Variants in DCUN1D1 observed in about 807,000 individuals in gnomAD.
DCUN1D1 encodes DCN1-like protein 1.
In DCUN1D1, 3 loss-of-function variants were observed where a neutral mutation model predicts 39.0. The observed-to-expected ratio is 0.08, with a 90% CI of 0.04 to 0.20. DCUN1D1 has a LOEUF of 0.20. Among genes scored for constraint, DCUN1D1 ranks in the 10% least tolerant of loss-of-function variants. The pLI is 1.00. For synonymous variants in DCUN1D1, 82 were observed against 96.3 expected (o/e 0.85, Z 0.87); for missense variants, 158 against 302.4 (o/e 0.52, Z 3.54).
chr3:182,969,236 TG>T (rs2108385269), intron 1 of DCUN1D1, among the ~76,000 whole-genome samples: 1 of 152,362 alleles, frequency 6.6e-6, no homozygotes, highest in South Asian at 2.1e-4. Context: ...AGAATAAAGC[TG>T]GAGTATACCT....
chr3:182,945,107 C>G lies in DCUN1D1; in HGVS notation c.767G>C (p.Ser256Thr), dbSNP rs755135817. The G allele has an allele frequency of 2.3e-5, 37 of 1,612,904 alleles. No individual in the cohort carries two copies. Among genetic ancestry groups the G allele is most frequent in the Non-Finnish European group, 2.3e-5 (27 of 1,179,694 alleles). The change falls in exon 7 of 7, where the codon AGT (serine) becomes ACT (threonine). Residue 256 changes from serine to threonine, a missense_variant. By Grantham distance (58) the Ser-to-Thr change is moderately conservative (BLOSUM62 1). Coordinates refer to ENST00000292782, the MANE Select transcript of DCUN1D1 (RefSeq NM_020640.4). ...FARPQIAGTK[S>T]TTV ...GTTCCTTTAGTGCTACACTGTTGTA[C>G]TTTTTGTCCCAGCAATTTGAGGGCG...
At chr3:182,945,217 A>T (rs750928578) in intron 6 of DCUN1D1, 44 bp from the exon 7 acceptor site, 1 of 1,453,038 alleles carries the variant, frequency 6.9e-7, no homozygotes, top group Non-Finnish European at 9.5e-7. Flanking sequence ...GGGGGAAAAA[A>T]GCAGAAATAA....
intron 1 of DCUN1D1, among the ~76,000 whole-genome samples, chr3:182,966,544 C>T (rs1727678370): frequency 6.6e-6 from 1 of 152,120 alleles, no homozygotes; most frequent in Admixed American, 6.5e-5. Flanking sequence ...ATAATCACCT[C>T]TTCTCACTTG....
At chr3:182,955,319 G>A in intron 4 of DCUN1D1, 1 of 546,050 alleles carries the variant, frequency 1.8e-6, no homozygotes, top group Non-Finnish European at 3.7e-6. Context: ...TTCTTCTGCA[G>A]CTTCTTCTAT....
upstream of DCUN1D1, among the ~76,000 whole-genome samples, chr3:182,983,328 A>T (rs1322920287): frequency 1.3e-5 from 2 of 152,200 alleles, no homozygotes; most frequent in East Asian, 3.9e-4. Flanking sequence ...TAACTCATAT[A>T]ACCTCACTTC....
chr3:182,952,909 G>A (rs186077044), intron 4 of DCUN1D1, among the ~76,000 whole-genome samples: 24 of 152,302 alleles, frequency 1.6e-4, no homozygotes, highest in Non-Finnish European at 1.5e-4. Context: ...TCCTTTCAAA[G>A]GACCACAGTG....
At chr3:182,954,271 G>C (rs746768664) in intron 4 of DCUN1D1, among the ~76,000 whole-genome samples, 2 of 152,146 alleles carry the variant, frequency 1.3e-5, no homozygotes, top group Non-Finnish European at 2.9e-5. Context: ...TGAAGAATAC[G>C]CAAAAGTTCA....
At chr3:182,976,884 G>A (rs1728266830) in intron 1 of DCUN1D1, among the ~76,000 whole-genome samples, 1 of 152,136 alleles carries the variant, frequency 6.6e-6, no homozygotes, top group South Asian at 2.1e-4. Context: ...GACATGCAAA[G>A]AATGTGCAAC....
intron 4 of DCUN1D1, chr3:182,950,905 C>G (rs1472180893): frequency 7.0e-6 from 1 of 143,568 alleles, no homozygotes; most frequent in African/African-American, 2.6e-5. Flanking sequence ...ACTCGGGAGG[C>G]TGAGGCAGGA....
chr3:182,958,041 C>T (rs564719632), intron 4 of DCUN1D1, among the ~76,000 whole-genome samples: 8 of 151,752 alleles, frequency 5.3e-5, no homozygotes, highest in African/African-American at 1.7e-4. Flanking sequence ...CACTCACTCT[C>T]TGCCAATTTG....
Position 182,964,248 on chromosome 3 carries a change from T to C in DCUN1D1, c.221-199A>G, listed in dbSNP as rs561233989. ...ACAGCATTCTTAAAGTGTAGAGATA[T>C]ATGCAGATGAGACATGATTTTTTAA... On this transcript the variant is annotated intron_variant, in intron 2 of 6. Transcript: ENST00000292782. Among the ~76,000 whole-genome samples the C allele has an allele frequency of 4.6e-5, 7 of 152,356 alleles. No homozygotes were observed. The South Asian group carries it at 1.0e-3, about 23-fold the overall frequency.
chr3:182,979,666 T>C (rs1728424631), intron 1 of DCUN1D1, among the ~76,000 whole-genome samples: 1 of 142,416 alleles, frequency 7.0e-6, no homozygotes. Context: ...CAAATGGCCC[T>C]TAACTACTAT....
At chr3:182,949,391 T>C (rs1485113897) in intron 4 of DCUN1D1, among the ~76,000 whole-genome samples, 2 of 151,690 alleles carry the variant, frequency 1.3e-5, no homozygotes, top group Admixed American at 1.3e-4. Flanking sequence ...GCAAACTTGA[T>C]GCTAATTCAC....
At chr3:182,960,216 C>T (rs1727311917) in intron 4 of DCUN1D1, among the ~76,000 whole-genome samples, 1 of 152,132 alleles carries the variant, frequency 6.6e-6, no homozygotes, top group African/African-American at 2.4e-5. Context: ...GAAGTTATCA[C>T]CATCATCAAA....
At chr3:182,980,680 C>CGCGCGGGGCTTCCCCCGG (rs1169218363), upstream of DCUN1D1, 1 of 652,672 alleles carries the variant, frequency 1.5e-6, no homozygotes, top group African/African-American at 2.0e-5. Flanking sequence ...GAGGGCGCCC[C>CGCGCGGGGCTTCCCCCGG]GCGCGGGGCT....
At chr3:182,964,196 CATTA>C in intron 2 of DCUN1D1, 147 bp from the exon 3 acceptor site, 1 of 600,458 alleles carries the variant, frequency 1.7e-6, no homozygotes, top group Non-Finnish European at 2.8e-6. Flanking sequence ...TACACTTTCC[CATTA>C]TTTAAAGCCA....
At chr3:182,963,447 A>G (rs913328108) in intron 3 of DCUN1D1, among the ~76,000 whole-genome samples, 3 of 152,176 alleles carry the variant, frequency 2.0e-5, no homozygotes, top group African/African-American at 7.2e-5. Flanking sequence ...TTTTCAATCA[A>G]TTTATCCAAA....
At chr3:182,967,128 CT>C (rs1727707081) in intron 1 of DCUN1D1, among the ~76,000 whole-genome samples, 1 of 143,566 alleles carries the variant, frequency 7.0e-6, no homozygotes, top group East Asian at 2.2e-4. Flanking sequence ...AACAAAAAAA[CT>C]ATATATATAT....
At chr3:182,975,157 T>A (rs1406328896) in intron 1 of DCUN1D1, among the ~76,000 whole-genome samples, 2 of 151,482 alleles carry the variant, frequency 1.3e-5, no homozygotes, top group African/African-American at 2.4e-5. Flanking sequence ...AAAACTTTTT[T>A]AAAAAAATTA....
Sources: allele counts gnomAD v4.1 joint callset (sites outside exome capture counted in the v4.1 genomes callset), GRCh38; gene constraint gnomAD v4.1.1; transcripts MANE v1.5; gene names NCBI Gene and HGNC (gene_info 2026-07-23, HGNC 2026-07-21).